Variants in CLK3 observed in about 807,000 individuals in gnomAD.
CLK3 encodes CDC like kinase 3, also known as dual specificity protein kinase CLK3.
CLK3 carries 24 observed loss-of-function variants against 65.2 expected under a neutral mutation model. The observed-to-expected ratio is 0.37, with a 90% CI of 0.27 to 0.52. CLK3 has a LOEUF of 0.52. Among genes scored for constraint, CLK3 ranks in the 20% least tolerant of loss-of-function variants. CLK3 has a pLI of 0.92. For synonymous variants in CLK3, 252 were observed against 240.8 expected (o/e 1.05, Z -0.43); for missense variants, 506 against 660.0 (o/e 0.77, Z 2.56).
chr15:74,628,756 C>A, intron 11 of CLK3, 73 bp downstream of exon 11: 1 of 1,311,106 alleles, frequency 7.6e-7, no homozygotes, highest in Non-Finnish European at 1.1e-6. Flanking sequence ...CAGCAGGGTA[C>A]TGGATGTGGT....
At position 74,628,063 on chromosome 15, in the gene CLK3, C is replaced by G; in HGVS notation, c.1125+11C>G. ...TTCACACTCTTCCAGGTACAGCCAC[C>G]CTGCATTGGTCCCCTACCCTGAGTA... On this transcript the variant is annotated intron_variant, in intron 10 of 12. Coordinates refer to ENST00000395066, the MANE Select transcript of CLK3 (RefSeq NM_001130028.2). The G allele has an allele frequency of 1.9e-6, 3 of 1,587,044 alleles. No individual in the cohort carries two copies. Among genetic ancestry groups the G allele is most frequent in the Non-Finnish European group, 8.7e-7 (1 of 1,155,246 alleles).
In CLK3 at chr15:74,630,036, G is replaced by A. The variant is rs967991160; in HGVS notation, c.*153G>A. On this transcript the variant is annotated 3_prime_UTR_variant, in exon 13 of 13. Transcript: ENST00000395066. ...GAGCCTGCAGGGGAGCAGACTTGGT[G>A]CCCAGCTGCCAGAAAGCACAGATTT... 6 of 672,618 alleles carry A rather than the reference G, an allele frequency of 8.9e-6. No individual in the cohort carries two copies. The highest frequency in any genetic ancestry group is 5.4e-5 in the African/African-American group (3 of 55,138). 41.7% of individuals were successfully genotyped at this position (672,618 alleles called of 1,614,324 possible). A position where few individuals can be genotyped will look rare whatever the true frequency, so the allele number is the denominator to read the frequency against.
intron 5 of CLK3, chr15:74,623,655 C>T (rs1451594780): frequency 6.6e-6 from 1 of 152,290 alleles, no homozygotes; most frequent in African/African-American, 2.4e-5. Flanking sequence ...ACATGGCAGA[C>T]TCAACAGCCG....
intron 1 of CLK3, among the ~76,000 whole-genome samples, chr15:74,609,865 G>A (rs1295292148): frequency 6.6e-6 from 1 of 152,208 alleles, no homozygotes; most frequent in Non-Finnish European, 1.5e-5. Flanking sequence ...TTGTGGCAGG[G>A]TCCTGGCCCC....
At chr15:74,618,232 C>A (rs1259231582) in intron 1 of CLK3, among the ~76,000 whole-genome samples, 1 of 152,200 alleles carries the variant, frequency 6.6e-6, no homozygotes, top group Non-Finnish European at 1.5e-5. Flanking sequence ...CAGGGATTGA[C>A]GTATGGGTGG....
At chr15:74,617,154 G>A (rs565542994) in intron 1 of CLK3, among the ~76,000 whole-genome samples, 1 of 152,200 alleles carries the variant, frequency 6.6e-6, no homozygotes, top group South Asian at 2.1e-4. Context: ...CATCTCTTTT[G>A]CCAGGCTGAG....
Position 74,622,214 on chromosome 15 carries a change from G to A in CLK3, c.464G>A (p.Arg155Gln). Residue 155 changes from arginine (R) to glutamine (Q), a missense_variant and splice_region_variant, in exon 4 of 13, where the codon CGA becomes CAA. By Grantham distance (43) the Arg-to-Gln change is conservative (BLOSUM62 1). Transcript: ENST00000395066. The surrounding 1 kb of genome is among the most constrained non-coding windows in gnomAD (Gnocchi z 4.6). The stretch of plus-strand genomic sequence containing the variant: ...CGGATCGGCGATTGGCTCCAAGAGC[G>A]ATGTACAGCCACCTTTCGTAAAACT... ...VCRIGDWLQE[R>Q]YEIVGNLGEG... The A allele has an allele frequency of 6.2e-7, 1 of 1,612,040 alleles. No homozygotes were observed. Among genetic ancestry groups the A allele is most frequent in the Non-Finnish European group, 8.5e-7 (1 of 1,178,198 alleles).
chr15:74,626,104 G>A, intron 7 of CLK3, 136 bp downstream of exon 7: 2 of 1,025,668 alleles, frequency 1.9e-6, no homozygotes, highest in South Asian at 1.5e-5. Context: ...ATCCCCTTTG[G>A]CGGAAAGGCC....
chr15:74,615,992 C>T lies in CLK3; in HGVS notation c.-1+94C>T, dbSNP rs577746010. 243 of 951,066 alleles carry T rather than the reference C, an allele frequency of 2.6e-4. 1 individual carries two copies. The East Asian group carries it at 7.5e-3, about 29-fold the overall frequency. The allele number at this position is 951,066 out of a possible 1,614,324, so 58.9% of individuals were successfully genotyped here. A position where few individuals can be genotyped will look rare whatever the true frequency, so the allele number is the denominator to read the frequency against. ...GCGCGCTGGTGCCATTCGGTCTCGG[C>T]CTACTCCCTTTCTTTCTCCTCTTCG... On this transcript the variant is annotated intron_variant, in intron 1 of 12. Transcript: ENST00000395066.
chr15:74,628,720 A>C (rs1455668339), intron 11 of CLK3, 37 bp downstream of exon 11: 1 of 1,541,390 alleles, frequency 6.5e-7, no homozygotes, highest in African/African-American at 1.4e-5. Context: ...GTTGGTATAG[A>C]GGCCTTTCTC....
rs995819745 is a variant in CLK3 at position 74,627,627 on chromosome 15, T to C, written c.1001T>C (p.Ile334Thr). 4 of 1,613,894 alleles carry C rather than the reference T, an allele frequency of 2.5e-6. No individual in the cohort carries two copies. Among genetic ancestry groups the C allele is most frequent in the African/African-American group, 2.7e-5 (2 of 74,920 alleles). Residue 334 changes from isoleucine (I) to threonine (T), a missense_variant, in exon 9 of 13, where the codon ATT (isoleucine) becomes ACT (threonine). Ile to Thr is a moderately conservative substitution (Grantham distance 89). Coordinates refer to ENST00000395066, the MANE Select transcript of CLK3 (RefSeq NM_001130028.2). The surrounding 1 kb of genome is among the most constrained non-coding windows in gnomAD (Gnocchi z 4.3). ...ATFDHEHHTT[I>T]VATRHYRPPE... ...TTTGACCATGAGCACCACACCACCA[T>C]TGTGGCCACCCGTCACTATCGCCCG...
chr15:74,627,454 T>C lies in CLK3; in HGVS notation c.912+8T>C. 1.2e-6 allele frequency: 2 copies of C among 1,614,016 alleles called. No individual in the cohort carries two copies. Among genetic ancestry groups the C allele is most frequent in the Non-Finnish European group, 1.7e-6 (2 of 1,179,878 alleles). On this transcript the variant is annotated splice_region_variant and intron_variant, in intron 8 of 12. Coordinates refer to ENST00000395066, the MANE Select transcript of CLK3 (RefSeq NM_001130028.2). This position sits in a 1 kb window ranked among gnomAD's most constrained non-coding sequence, Gnocchi z 4.3. ...CTCTACAATGAGCACAAGGTATTGG[T>C]GGGGGTAAGGGTGAGGCCCTGTTTC...
At chr15:74,611,928 C>T (rs954427292), upstream of CLK3, among the ~76,000 whole-genome samples, 8 of 152,248 alleles carry the variant, frequency 5.3e-5, no homozygotes, top group African/African-American at 1.9e-4. Flanking sequence ...AACCCTGATC[C>T]TCTGGCCCGA....
Position 74,620,124 on chromosome 15 carries a change from C to T in CLK3, c.268C>T (p.Arg90Cys), listed in dbSNP as rs767369515. 16 of 1,614,152 alleles carry T rather than the reference C, an allele frequency of 9.9e-6. No individual in the cohort carries two copies. In the South Asian group the frequency reaches 1.6e-4, roughly 17 times the overall value. ...GGACTACTATGGACCTTCACGTTCT[C>T]GTCATCGTCGGCGATCGCGGGAGAG... is the stretch of plus-strand genomic sequence containing the variant. ...GEDYYGPSRS[R>C]HRRRSRERGP... The change falls in exon 3 of 13, where the codon CGT becomes TGT. Residue 90 changes from arginine to cysteine, a missense_variant. Physicochemically the swap from Arg to Cys is radical, Grantham distance 180. Transcript: ENST00000395066.
At chr15:74,614,427 C>T (rs2062028893), upstream of CLK3, among the ~76,000 whole-genome samples, 1 of 152,214 alleles carries the variant, frequency 6.6e-6, no homozygotes, top group Admixed American at 6.5e-5. Context: ...GATCCTCCTG[C>T]CTCAGTCCCC....
upstream of CLK3, among the ~76,000 whole-genome samples, chr15:74,611,263 GCCTC>G (rs2061985715): frequency 6.6e-6 from 1 of 152,216 alleles, no homozygotes; most frequent in Non-Finnish European, 1.5e-5. Context: ...ACCCCGGAAA[GCCTC>G]CCTGAGAATA....
At position 74,630,023 on chromosome 15, in the gene CLK3, G is replaced by A. The variant is rs1236375628; in HGVS notation, c.*140G>A. 1.4e-5 allele frequency: 11 copies of A among 773,126 alleles called. No homozygotes were observed. Among genetic ancestry groups the A allele is most frequent in the Admixed American group, 8.8e-5 (3 of 34,202 alleles). The allele number at this position is 773,126 out of a possible 1,614,324, so 47.9% of individuals were successfully genotyped here. ...TGAAGGAAGGCAGGAGCCTGCAGGG[G>A]AGCAGACTTGGTGCCCAGCTGCCAG... On this transcript the variant is annotated 3_prime_UTR_variant, in exon 13 of 13. Coordinates refer to ENST00000395066, the MANE Select transcript of CLK3 (RefSeq NM_001130028.2).
At chr15:74,614,536 C>T (rs903946192), upstream of CLK3, among the ~76,000 whole-genome samples, 1 of 152,256 alleles carries the variant, frequency 6.6e-6, no homozygotes, top group African/African-American at 2.4e-5. Context: ...CTGTTGTTTA[C>T]TTCGGATAGC....
chr15:74,615,773 C>A, upstream of CLK3: 1 of 1,243,510 alleles, frequency 8.0e-7, no homozygotes. Flanking sequence ...CCGGGTCGAG[C>A]CGAGGCTGGC....
Sources: allele counts gnomAD v4.1 joint callset (sites outside exome capture counted in the v4.1 genomes callset), GRCh38; gene constraint gnomAD v4.1.1; non-coding constraint Gnocchi (gnomAD v3.1); transcripts MANE v1.5; gene names NCBI Gene and HGNC (gene_info 2026-07-23, HGNC 2026-07-21).